GNRHR: variants seen among roughly 807,000 people sequenced by gnomAD.
The protein encoded by GNRHR is gonadotropin releasing hormone receptor.
A neutral mutation model predicts 28.1 loss-of-function variants in GNRHR; 14 were observed. The observed-to-expected ratio is 0.50, with a 90% CI of 0.33 to 0.78. GNRHR has a LOEUF of 0.78. Ranked by LOEUF, GNRHR falls within the 30% of genes least tolerant of loss-of-function variation. The pLI is 0.02. For synonymous variants in GNRHR, 141 were observed against 140.5 expected (o/e 1.00, Z -0.02); for missense variants, 366 against 382.1 (o/e 0.96, Z 0.35).
rs927723847 is a variant in GNRHR, at chr4:67,737,431, G to C, written c.*3049C>G. On this transcript the variant is annotated 3_prime_UTR_variant, in exon 3 of 3. Transcript: ENST00000226413. ...ATGAGCACAATGTATAGTAATTAGA[G>C]AAGCCCAAGGCATTGGTTCAATGTA... is the stretch of plus-strand genomic sequence containing the variant. 6.6e-6 allele frequency among the ~76,000 whole-genome samples: 1 copy of C among 151,850 alleles called. No homozygotes were observed. Among genetic ancestry groups the C allele is most frequent in the Admixed American group, 6.6e-5 (1 of 15,220 alleles).
At chr4:67,752,794 T>G (rs996310056) in intron 1 of GNRHR, among the ~76,000 whole-genome samples, 2 of 36,868 alleles carry the variant, frequency 5.4e-5, no homozygotes, top group African/African-American at 7.3e-5. Context: ...GAGTTCTGCA[T>G]GGCAGTTTTT....
At chr4:67,752,408 A>T in intron 1 of GNRHR, among the ~76,000 whole-genome samples, 1 of 151,346 alleles carries the variant, frequency 6.6e-6, no homozygotes. Context: ...TAATTTGTTG[A>T]TATGGGGCCT....
intron 1 of GNRHR, 35 bp from the exon 2 acceptor site, chr4:67,744,822 T>G (rs1731726594): frequency 8.1e-7 from 1 of 1,237,888 alleles, no homozygotes; most frequent in African/African-American, 1.5e-5. Context: ...GTTACTTTTT[T>G]CCATATGGTA....
chr4:67,743,437 C>G (rs1296837923), intron 2 of GNRHR, among the ~76,000 whole-genome samples: 1 of 152,148 alleles, frequency 6.6e-6, no homozygotes, highest in East Asian at 1.9e-4. Context: ...CTGTTTATGA[C>G]TTTTCTGCTA....
intron 1 of GNRHR, among the ~76,000 whole-genome samples, 177 bp from the exon 2 acceptor site, chr4:67,744,964 G>C (rs1301436662): frequency 6.6e-6 from 1 of 152,020 alleles, no homozygotes; most frequent in East Asian, 1.9e-4. Flanking sequence ...AATATGTTTG[G>C]GTAAGTGTCA....
Position 67,744,649 on chromosome 4 carries a change from T to C in GNRHR, c.661A>G (p.Ile221Val), listed in dbSNP as rs983367065. The C allele has an allele frequency of 1.2e-6, 2 of 1,613,418 alleles. No individual in the cohort carries two copies. The highest frequency in any genetic ancestry group is 1.7e-6 in the Non-Finnish European group (2 of 1,179,450). ...YNFFTFSCLF[I>V]IPLFIMLICN... ...ATCAGCATGATGAAAAGAGGGATGA[T>C]GAAGAGGCAGCTGAAGGTGAAAAAG... The change falls in exon 2 of 3, where the codon ATC becomes GTC. Residue 221 changes from isoleucine (I) to valine (V), a missense_variant. Transcript: ENST00000226413.
intron 1 of GNRHR, among the ~76,000 whole-genome samples, chr4:67,751,248 T>C (rs577012386): frequency 6.6e-6 from 1 of 152,332 alleles, no homozygotes; most frequent in Non-Finnish European, 1.5e-5. Context: ...ATTTCTTACT[T>C]TGGATTATTG....
Position 67,738,380 on chromosome 4 carries a change from A to T in GNRHR, c.*2100T>A, listed in dbSNP as rs1229445139. The stretch of plus-strand genomic sequence containing the variant: ...ATAAAAAATACATTGAAATATATAT[A>T]TTTTTTGCATGAAATGTAGGTTAAG... On this transcript the variant is annotated 3_prime_UTR_variant, in exon 3 of 3. Transcript: ENST00000226413. 2.0e-5 allele frequency among the ~76,000 whole-genome samples: 3 copies of T among 151,618 alleles called. No homozygotes were observed. The highest frequency in any genetic ancestry group is 2.1e-4 in the South Asian group (1 of 4,818).
chr4:67,754,158 GT>G lies in GNRHR; in HGVS notation c.177del (p.Lys59AsnfsTer18). 5 of 1,613,998 alleles carry G rather than the reference GT, an allele frequency of 3.1e-6. No individual in the cohort carries two copies. The highest frequency in any genetic ancestry group is 4.2e-6 in the Non-Finnish European group (5 of 1,179,862). On this transcript the variant is annotated frameshift_variant, in exon 1 of 3. Transcript: ENST00000226413. LOFTEE classifies it high-confidence loss of function. The stretch of plus-strand genomic sequence containing the variant: ...TCTTTCTTCTGTGTCCACTTCTGAA[GT>G]TTCAACAAGAAAGAAGCATTAAAGG... ...SATFNASFLL[K>X]LQKWTQKKEK...
At position 67,753,784 on chromosome 4, in the gene GNRHR, A is replaced by G. The variant is rs373173587; in HGVS notation, c.522+30T>C. The G allele has an allele frequency of 5.1e-6, 8 of 1,570,420 alleles. No individual in the cohort carries two copies. The African/African-American group carries it at 6.7e-5, about 13-fold the overall frequency. On this transcript the variant is annotated intron_variant, in intron 1 of 2. Transcript: ENST00000226413. Reference sequence around the variant, plus strand: ...TAGATAGGAAATCTATGATCACCATATCCAAATAAGTTTGTGTATAATGGC... The same window carrying G: ...TAGATAGGAAATCTATGATCACCATGTCCAAATAAGTTTGTGTATAATGGC...
rs1280057056 is a variant in GNRHR, at chr4:67,738,891, G to A, written c.*1589C>T. Among the ~76,000 whole-genome samples the A allele has an allele frequency of 2.6e-5, 4 of 151,820 alleles. No individual in the cohort carries two copies. The highest frequency in any genetic ancestry group is 4.4e-5 in the Non-Finnish European group (3 of 67,832). On this transcript the variant is annotated 3_prime_UTR_variant, in exon 3 of 3. Transcript: ENST00000226413. ...AGTTCAATTGAGACAGAATTGGAAA[G>A]TAAGGTAGGATATGAAAAAAACAAC...
intron 2 of GNRHR, among the ~76,000 whole-genome samples, chr4:67,744,323 C>T (rs1389133047): frequency 6.6e-6 from 1 of 152,196 alleles, no homozygotes; most frequent in Non-Finnish European, 1.5e-5. Flanking sequence ...AATAATCATT[C>T]TTTCTTATTT....
chr4:67,750,117 T>C (rs1298897077), intron 1 of GNRHR, among the ~76,000 whole-genome samples: 1 of 152,196 alleles, frequency 6.6e-6, no homozygotes, highest in East Asian at 1.9e-4. Context: ...TTACAATTAC[T>C]CTTTTAAATG....
At position 67,754,048 on chromosome 4, in the gene GNRHR, T is replaced by C. The variant is rs779355818; in HGVS notation, c.288A>G (p.Pro96=). 1.0e-4 allele frequency: 165 copies of C among 1,613,978 alleles called. No homozygotes were observed. The highest frequency in any genetic ancestry group is 1.3e-4 in the Non-Finnish European group (153 of 1,179,926). Residue 96 remains proline, a synonymous_variant, in exon 1 of 3, where the codon CCA becomes CCG. Transcript: ENST00000226413. ...ANLLETLIVM[P]LDGMWNITVQ... is the part of the protein sequence containing the mutation. ...CTGTAATGTTCCACATCCCATCCAGTGGCATGACAATCAGAGTCTCCAACA... is the reference window on the plus strand; with the variant it reads ...CTGTAATGTTCCACATCCCATCCAGCGGCATGACAATCAGAGTCTCCAACA...
At chr4:67,741,939 T>G (rs1187065587) in intron 2 of GNRHR, among the ~76,000 whole-genome samples, 1 of 152,230 alleles carries the variant, frequency 6.6e-6, no homozygotes, top group African/African-American at 2.4e-5. Context: ...TCTTTGTAGA[T>G]TCTGGGTATT....
At position 67,739,670 on chromosome 4, in the gene GNRHR, C is replaced by T. The variant is rs550237485; in HGVS notation, c.*810G>A. The T allele has an allele frequency of 5.3e-5, 8 of 152,088 alleles. No individual in the cohort carries two copies. The highest frequency in any genetic ancestry group is 1.7e-4 in the African/African-American group (7 of 41,520). The allele number at this position is 152,088 out of a possible 1,614,324, so 9.4% of individuals were successfully genotyped here. On this transcript the variant is annotated 3_prime_UTR_variant, in exon 3 of 3. Transcript: ENST00000226413. Reference sequence around the variant, plus strand: ...AATAGAAGTCATACTATGCATAGAGCGTACTCACTATGAGTATTTTCTTAG... The same window carrying T: ...AATAGAAGTCATACTATGCATAGAGTGTACTCACTATGAGTATTTTCTTAG...
chr4:67,742,112 A>G (rs1021132200), intron 2 of GNRHR, among the ~76,000 whole-genome samples: 1 of 152,178 alleles, frequency 6.6e-6, no homozygotes, highest in Non-Finnish European at 1.5e-5. Context: ...GCTCTTGGTC[A>G]GGAAGTCTTT....
At chr4:67,742,961 CT>C (rs35957470) in intron 2 of GNRHR, among the ~76,000 whole-genome samples, 30,454 of 148,360 alleles carry the variant, frequency 0.21, 3,307 homozygotes, top group Middle Eastern at 0.3. Context: ...ACATACTATT[CT>C]TTTTTTTTTT....
In GNRHR at chr4:67,737,747, G is replaced by A. The variant is rs984886588; in HGVS notation, c.*2733C>T. Reference sequence around the variant, plus strand: ...TGTCACTCCTGTACTAAACTGAATTGCTAAAAGAAATTCCATTTTTAACTA... The same window carrying A: ...TGTCACTCCTGTACTAAACTGAATTACTAAAAGAAATTCCATTTTTAACTA... On this transcript the variant is annotated 3_prime_UTR_variant, in exon 3 of 3. Transcript: ENST00000226413. 6.6e-6 allele frequency among the ~76,000 whole-genome samples: 1 copy of A among 151,796 alleles called. No individual in the cohort carries two copies. Among genetic ancestry groups the A allele is most frequent in the Non-Finnish European group, 1.5e-5 (1 of 67,838 alleles).
Sources: gnomAD v4.1 joint callset for allele counts (sites outside exome capture counted in the v4.1 genomes callset) on GRCh38, gnomAD v4.1.1 for gene constraint, MANE v1.5 for transcripts, NCBI Gene and HGNC (gene_info 2026-07-23, HGNC 2026-07-21) for gene names.